SPATS2: variants seen among roughly 807,000 people sequenced by gnomAD.
SPATS2 encodes the protein spermatogenesis associated serine rich 2.
A neutral mutation model predicts 63.7 loss-of-function variants in SPATS2; 38 were observed. The observed-to-expected ratio is 0.60, with a 90% confidence interval of 0.46 to 0.78. SPATS2 has a LOEUF of 0.78. Ranked by LOEUF, SPATS2 falls within the 30% of genes least tolerant of loss-of-function variation. SPATS2 has a pLI of 0.00. For missense variants in SPATS2, 588 were observed against 666.2 expected, an observed-to-expected ratio of 0.88 and a Z score of 1.29; for synonymous variants, 207 against 232.9, an observed-to-expected ratio of 0.89 and a Z score of 1.01.
intron 2 of SPATS2, among the ~76,000 whole-genome samples, chr12:49,395,772 A>C (rs935196664): frequency 6.6e-6 from 1 of 152,202 alleles, no homozygotes; most frequent in Non-Finnish European, 1.5e-5. Flanking sequence ...ACTTAACATG[A>C]AATCTACCCT....
chr12:49,469,761 G>A (rs1248129942), intron 3 of SPATS2, among the ~76,000 whole-genome samples: 5 of 151,232 alleles, frequency 3.3e-5, no homozygotes, highest in Non-Finnish European at 5.9e-5. Flanking sequence ...GGTGCTGCAC[G>A]CCTGTAATCC....
intron 3 of SPATS2, among the ~76,000 whole-genome samples, chr12:49,481,749 C>T (rs902984673): frequency 5.3e-5 from 8 of 152,030 alleles, no homozygotes; most frequent in Non-Finnish European, 1.0e-4. Flanking sequence ...AGGTGTGAGC[C>T]ACTGCATCTG....
rs978891799 is a variant in SPATS2, at chr12:49,367,510, C to G, written c.-384C>G. On this transcript the variant is annotated 5_prime_UTR_variant, in exon 1 of 14. Transcript: ENST00000552918. Reference sequence around the variant, plus strand: ...AAGGGGAGGTGGAGGATCTCCTTTCCTCTTCTCAGACCCGGGAGCGTCCGG... The same window carrying G: ...AAGGGGAGGTGGAGGATCTCCTTTCGTCTTCTCAGACCCGGGAGCGTCCGG... 2.5e-5 allele frequency: 10 copies of G among 399,122 alleles called. No individual in the cohort carries two copies. The highest frequency in any genetic ancestry group is 1.3e-4 in the Admixed American group (3 of 22,672). The allele number at this position is 399,122 out of a possible 1,614,324, so 24.7% of individuals were successfully genotyped here. A position where few individuals can be genotyped will look rare whatever the true frequency, so the allele number is the denominator to read the frequency against.
At chr12:49,477,547 T>G (rs1946138209) in intron 3 of SPATS2, among the ~76,000 whole-genome samples, 1 of 152,190 alleles carries the variant, frequency 6.6e-6, no homozygotes, top group Non-Finnish European at 1.5e-5. Flanking sequence ...GAAGACTGAT[T>G]GATGAACCGT....
intron 2 of SPATS2, among the ~76,000 whole-genome samples, chr12:49,395,329 C>CCAA (rs1010888303): frequency 6.6e-6 from 1 of 151,532 alleles, no homozygotes; most frequent in African/African-American, 2.4e-5. Context: ...CCTGATTGCA[C>CCAA]TGGCTGGGAC....
chr12:49,490,856 C>A (rs981768527), intron 6 of SPATS2, 125 bp downstream of exon 6: 4 of 921,168 alleles, frequency 4.3e-6, no homozygotes, highest in East Asian at 2.7e-5. Flanking sequence ...TAAAAAACAT[C>A]TTTGGCCAGG....
At chr12:49,453,445 T>C (rs1356993899) in intron 2 of SPATS2, among the ~76,000 whole-genome samples, 1 of 152,194 alleles carries the variant, frequency 6.6e-6, no homozygotes, top group African/African-American at 2.4e-5. Context: ...AATCTTTTTC[T>C]CACTGTGGTA....
chr12:49,513,333 T>G (rs759456360), intron 9 of SPATS2, among the ~76,000 whole-genome samples: 1 of 152,150 alleles, frequency 6.6e-6, no homozygotes, highest in African/African-American at 2.4e-5. Flanking sequence ...ACTCCAAATT[T>G]GAAGAAAGTT....
intron 2 of SPATS2, among the ~76,000 whole-genome samples, chr12:49,443,910 C>T (rs1272782164): frequency 1.3e-5 from 2 of 152,152 alleles, no homozygotes; most frequent in Non-Finnish European, 2.9e-5. Context: ...GTTTTGAAAT[C>T]AGGTAGTGGA....
At chr12:49,367,436 T>G (rs1178944844), upstream of SPATS2, 2 of 393,050 alleles carry the variant, frequency 5.1e-6, no homozygotes, top group African/African-American at 4.2e-5. Context: ...CGTCCGGCTC[T>G]GAGAGAGCTG....
At chr12:49,436,523 G>A (rs1370532435) in intron 2 of SPATS2, among the ~76,000 whole-genome samples, 11 of 124,094 alleles carry the variant, frequency 8.9e-5, no homozygotes, top group Non-Finnish European at 1.4e-4. Context: ...GCCGGGCGGG[G>A]GGCTGACCCC....
At chr12:49,466,867 C>T (rs1217296112) in intron 3 of SPATS2, among the ~76,000 whole-genome samples, 1 of 152,074 alleles carries the variant, frequency 6.6e-6, no homozygotes, top group Non-Finnish European at 1.5e-5. Flanking sequence ...TGCACTGTAT[C>T]AGTAGGCCAG....
At chr12:49,500,032 C>T (rs918801813) in intron 8 of SPATS2, 38 bp from the exon 9 acceptor site, 12 of 1,116,414 alleles carry the variant, frequency 1.1e-5, no homozygotes, top group Admixed American at 7.7e-5. Flanking sequence ...TATAATTATT[C>T]TTTTTTTTTT....
intron 2 of SPATS2, among the ~76,000 whole-genome samples, chr12:49,448,712 CAAAAAAA>C (rs780015868): frequency 3.4e-5 from 2 of 58,304 alleles, no homozygotes; most frequent in South Asian, 6.0e-4. Flanking sequence ...GACCCTGTCT[CAAAAAAA>C]AAAAAAAAAA....
intron 2 of SPATS2, among the ~76,000 whole-genome samples, chr12:49,373,956 C>T (rs1041169237): frequency 2.0e-5 from 3 of 151,696 alleles, no homozygotes; most frequent in African/African-American, 7.3e-5. Flanking sequence ...TAGTGGTTGG[C>T]GCCTGTAGTC....
chr12:49,446,383 C>T (rs1945511272), intron 2 of SPATS2, among the ~76,000 whole-genome samples: 1 of 152,216 alleles, frequency 6.6e-6, no homozygotes, highest in Non-Finnish European at 1.5e-5. Flanking sequence ...TCAGATGGTT[C>T]TCTACAAGGT....
At chr12:49,513,406 A>G (rs1321309778) in intron 9 of SPATS2, among the ~76,000 whole-genome samples, 1 of 152,202 alleles carries the variant, frequency 6.6e-6, no homozygotes, top group Non-Finnish European at 1.5e-5. Flanking sequence ...TGCCACCACA[A>G]AGCAAAACCG....
intron 2 of SPATS2, among the ~76,000 whole-genome samples, chr12:49,390,540 G>A (rs1417834476): frequency 6.6e-6 from 1 of 152,144 alleles, no homozygotes; most frequent in African/African-American, 2.4e-5. Context: ...CCACTGTTTT[G>A]TGAATGGAAG....
At chr12:49,481,229 G>A (rs540091646) in intron 3 of SPATS2, among the ~76,000 whole-genome samples, 97 of 152,142 alleles carry the variant, frequency 6.4e-4, no homozygotes, top group African/African-American at 2.1e-3. Context: ...GCGTGGTAGC[G>A]CGTGCCTGTA....
Sources: gnomAD v4.1 joint callset for allele counts (sites outside exome capture counted in the v4.1 genomes callset) on GRCh38, gnomAD v4.1.1 for gene constraint, MANE v1.5 for transcripts, NCBI Gene and HGNC (gene_info 2026-07-23, HGNC 2026-07-21) for gene names.